The following GALNT7 variants were observed in gnomAD, a reference collection of about 807,000 sequenced individuals.
GALNT7 encodes the protein polypeptide N-acetylgalactosaminyltransferase 7, also known as N-acetylgalactosaminyltransferase 7.
In GALNT7, 60 loss-of-function variants were observed where a neutral mutation model predicts 82.1. The ratio of observed to expected loss-of-function variants is 0.73; its 90% CI spans 0.59 to 0.91. The LOEUF is 0.91. Among genes scored for constraint, GALNT7 ranks in the 40% least tolerant of loss-of-function variants. The probability of loss-of-function intolerance (pLI) is 0.00; values close to 1 mark genes in which losing one functional copy is unlikely to be tolerated. For missense variants in GALNT7, 660 were observed against 804.2 expected (o/e 0.82, Z 2.17); for synonymous variants, 243 against 275.1 (o/e 0.88, Z 1.15).
chr4:173,313,570 C>CAAAAA (rs957463269), intron 8 of GALNT7, among the ~76,000 whole-genome samples: 33 of 61,738 alleles, frequency 5.3e-4, no homozygotes, highest in Non-Finnish European at 7.1e-4. Flanking sequence ...GACCCCATCA[C>CAAAAA]AAAAAAAAAA....
In GALNT7 at chr4:173,248,433, C is replaced by G. The variant is rs758706962; in HGVS notation, c.580C>G (p.Gln194Glu). 1.0e-5 allele frequency: 16 copies of G among 1,594,296 alleles called. No homozygotes were observed. Among genetic ancestry groups the G allele is most frequent in the African/African-American group, 1.3e-5 (1 of 74,516 alleles). ...GGACCGCAGCGTCAATGACTTACGC[C>G]AAGAAGAGTAAGCACACATCCTCTT... ...SLDRSVNDLR[Q>E]EECKYWHYDE... is the part of the protein sequence containing the mutation. Residue 194 changes from glutamine to glutamate, a missense_variant, in exon 2 of 12, where the codon CAA becomes GAA. Transcript: ENST00000265000.
chr4:173,221,917 A>C (rs1323015023), intron 1 of GALNT7, among the ~76,000 whole-genome samples: 20 of 152,198 alleles, frequency 1.3e-4, no homozygotes, highest in Non-Finnish European at 2.4e-4. Flanking sequence ...CTTGTGAGAG[A>C]TACACTATTT....
intron 2 of GALNT7, among the ~76,000 whole-genome samples, chr4:173,263,203 C>T (rs944812559): frequency 6.6e-6 from 1 of 152,106 alleles, no homozygotes; most frequent in Non-Finnish European, 1.5e-5. Flanking sequence ...TTGAAAAAGC[C>T]GCTGCTATAG....
intron 3 of GALNT7, among the ~76,000 whole-genome samples, chr4:173,293,292 T>C (rs534889714): frequency 6.6e-6 from 1 of 152,114 alleles, no homozygotes; most frequent in Non-Finnish European, 1.5e-5. Flanking sequence ...CTTTTTTTTT[T>C]ATCTTTACTT....
intron 1 of GALNT7, among the ~76,000 whole-genome samples, chr4:173,239,708 G>A (rs942240351): frequency 6.6e-6 from 1 of 152,176 alleles, no homozygotes; most frequent in Non-Finnish European, 1.5e-5. Context: ...AGACATTACA[G>A]TGTTAACACA....
chr4:173,265,568 C>T (rs1735451778), intron 2 of GALNT7, among the ~76,000 whole-genome samples: 2 of 151,288 alleles, frequency 1.3e-5, no homozygotes, highest in African/African-American at 4.9e-5. Context: ...GTTTTACTAG[C>T]AGTGATGGTG....
At chr4:173,179,896 C>G (rs1041765955) in intron 1 of GALNT7, among the ~76,000 whole-genome samples, 4 of 152,190 alleles carry the variant, frequency 2.6e-5, no homozygotes, top group African/African-American at 9.7e-5. Context: ...TCAGTACTTA[C>G]TGCTGTACTT....
chr4:173,213,669 C>T (rs907618344), intron 1 of GALNT7, among the ~76,000 whole-genome samples: 3 of 151,846 alleles, frequency 2.0e-5, no homozygotes, highest in Non-Finnish European at 4.4e-5. Context: ...GATTATTTCT[C>T]GGTAATTTTT....
chr4:173,202,785 A>G (rs1732980349), intron 1 of GALNT7, among the ~76,000 whole-genome samples: 1 of 152,096 alleles, frequency 6.6e-6, no homozygotes, highest in Admixed American at 6.5e-5. Flanking sequence ...CATTGTCCCA[A>G]ATTTATATTG....
intron 2 of GALNT7, among the ~76,000 whole-genome samples, chr4:173,269,412 C>G (rs1335448706): frequency 1.3e-5 from 2 of 152,146 alleles, no homozygotes; most frequent in Non-Finnish European, 1.5e-5. Flanking sequence ...GGGAAGGCAG[C>G]TGGAATCATG....
At chr4:173,209,044 T>A (rs779638380) in intron 1 of GALNT7, among the ~76,000 whole-genome samples, 1 of 152,250 alleles carries the variant, frequency 6.6e-6, no homozygotes, top group Non-Finnish European at 1.5e-5. Flanking sequence ...TCAGTATCAT[T>A]TATTAAATAA....
chr4:173,248,570 T>C (rs1579953414), intron 2 of GALNT7, 130 bp downstream of exon 2: 1 of 643,550 alleles, frequency 1.6e-6, no homozygotes, highest in Non-Finnish European at 2.6e-6. Flanking sequence ...AGAGGATCTT[T>C]GAACAGCAAA....
At position 173,322,461 on chromosome 4, in the gene GALNT7, G is replaced by C. The variant is rs1767492373; in HGVS notation, c.*744G>C. The C allele has an allele frequency of 6.6e-6, 1 of 152,268 alleles. No individual in the cohort carries two copies. Among genetic ancestry groups the C allele is most frequent in the Non-Finnish European group, 1.5e-5 (1 of 68,012 alleles). 9.4% of individuals were successfully genotyped at this position (152,268 alleles called of 1,614,324 possible). ...ATCCCAAGGCTGTCCCATAGGGTTG[G>C]AAGTTGTGTAGCATTCACTCCCTTA... On this transcript the variant is annotated 3_prime_UTR_variant, in exon 12 of 12. Coordinates refer to ENST00000265000, the MANE Select transcript of GALNT7 (RefSeq NM_017423.3).
chr4:173,284,717 A>T (rs1233897290), intron 2 of GALNT7, among the ~76,000 whole-genome samples: 1 of 151,684 alleles, frequency 6.6e-6, no homozygotes, highest in Non-Finnish European at 1.5e-5. Flanking sequence ...TGACTCAAAA[A>T]TTTGAAAAAA....
intron 2 of GALNT7, among the ~76,000 whole-genome samples, chr4:173,287,857 T>C (rs1415179162): frequency 6.6e-6 from 1 of 152,152 alleles, no homozygotes; most frequent in Non-Finnish European, 1.5e-5. Context: ...TTTAATATTA[T>C]CTCTGGCTTC....
At chr4:173,224,564 C>T (rs188682388) in intron 1 of GALNT7, among the ~76,000 whole-genome samples, 10 of 152,264 alleles carry the variant, frequency 6.6e-5, no homozygotes, top group Non-Finnish European at 1.5e-4. Context: ...TTAAATTTAA[C>T]ATTAATTTTA....
At chr4:173,277,989 G>A (rs1735977548) in intron 2 of GALNT7, among the ~76,000 whole-genome samples, 1 of 151,318 alleles carries the variant, frequency 6.6e-6, no homozygotes, top group Non-Finnish European at 1.5e-5. Flanking sequence ...CTCAGGTACT[G>A]GAGAGAAGAG....
chr4:173,199,511 A>G (rs772620792), intron 1 of GALNT7, among the ~76,000 whole-genome samples: 2 of 152,192 alleles, frequency 1.3e-5, no homozygotes, highest in Non-Finnish European at 2.9e-5. Context: ...TACAGTTGTC[A>G]TCACTGTAAT....
chr4:173,175,660 C>A (rs1355668048), intron 1 of GALNT7, among the ~76,000 whole-genome samples: 3 of 152,228 alleles, frequency 2.0e-5, no homozygotes. Flanking sequence ...GTGTGTAACC[C>A]TGTCATAAGT....
Sources: gnomAD v4.1 joint callset for allele counts (sites outside exome capture counted in the v4.1 genomes callset) on GRCh38, gnomAD v4.1.1 for gene constraint, MANE v1.5 for transcripts, NCBI Gene and HGNC (gene_info 2026-07-23, HGNC 2026-07-21) for gene names.